Variants in EFTUD2 observed in about 807,000 individuals in gnomAD.
The protein encoded by EFTUD2 is 116 kDa U5 small nuclear ribonucleoprotein component.
EFTUD2 carries 9 observed loss-of-function variants against 114.3 expected under a neutral mutation model. That is an observed-to-expected ratio of 0.08 (90% CI 0.05 to 0.14). The LOEUF (loss-of-function observed/expected upper bound fraction) is 0.14. EFTUD2 is among the 10% of genes least tolerant of loss of function. EFTUD2 has a pLI of 1.00. For synonymous variants in EFTUD2, 449 were observed against 462.3 expected, an observed-to-expected ratio of 0.97 and a Z score of 0.37; for missense variants, 765 against 1,241.2, an observed-to-expected ratio of 0.62 and a Z score of 5.76.
At chr17:44,886,062 C>A (rs1448098118) in intron 3 of EFTUD2, among the ~76,000 whole-genome samples, 1 of 152,094 alleles carries the variant, frequency 6.6e-6, no homozygotes, top group South Asian at 2.1e-4. Context: ...CATGGTGAAA[C>A]CCCGTTTCTA....
In EFTUD2 at chr17:44,867,916, T is replaced by A. The variant is rs2050779964; in HGVS notation, c.1059-19A>T. ...CTTTCGCCTAAAAGGAAAAATAAGT[T>A]CTGAGTGACCCAGGGGAAAAGGCAC... On this transcript the variant is annotated intron_variant, in intron 12 of 27. Transcript: ENST00000426333. 1 of 1,569,086 alleles carries A rather than the reference T, an allele frequency of 6.4e-7. No homozygotes were observed. The highest frequency in any genetic ancestry group is 1.9e-5 in the Admixed American group (1 of 52,624).
At chr17:44,896,675 ATAG>A (rs2051391517) in intron 1 of EFTUD2, among the ~76,000 whole-genome samples, 3 of 152,110 alleles carry the variant, frequency 2.0e-5, no homozygotes. Context: ...AAATAAACAA[ATAG>A]TAGTTACTAA....
At chr17:44,877,701 G>GACC (rs140679347) in intron 9 of EFTUD2, among the ~76,000 whole-genome samples, 14,392 of 152,072 alleles carry the variant, frequency 0.095, 738 homozygotes, top group Middle Eastern at 0.25. Context: ...AGCTGCCTGG[G>GACC]AGGCTGAGGC....
chr17:44,860,645 C>A, intron 16 of EFTUD2, 102 bp from the exon 17 acceptor site: 1 of 728,826 alleles, frequency 1.4e-6, no homozygotes, highest in Admixed American at 2.6e-5. Context: ...TGTTACCAGG[C>A]TGGAGTGCAG....
chr17:44,868,777 A>G (rs1176042656), intron 11 of EFTUD2, among the ~76,000 whole-genome samples: 1 of 152,162 alleles, frequency 6.6e-6, no homozygotes, highest in Non-Finnish European at 1.5e-5. Context: ...AGTGTGGGCC[A>G]CCTTCCAACT....
chr17:44,859,809 G>C, intron 18 of EFTUD2, 96 bp downstream of exon 18: 1 of 1,583,100 alleles, frequency 6.3e-7, no homozygotes, highest in Non-Finnish European at 8.6e-7. Flanking sequence ...GTAAGCAGCA[G>C]ATCATGAACA....
intron 10 of EFTUD2, chr17:44,873,013 C>T (rs2050883064): frequency 6.5e-6 from 1 of 153,592 alleles, no homozygotes. Context: ...ACCCTCACTG[C>T]CATACTCTTT....
rs760366651 is a variant in EFTUD2 at position 44,850,320 on chromosome 17, T to C, written c.*954A>G. ...TGATGCCAAGGGGCATTATTTCTTT[T>C]CTCTCACACAGGTGCTGTGTACACA... is the stretch of plus-strand genomic sequence containing the variant. On this transcript the variant is annotated 3_prime_UTR_variant, in exon 28 of 28. Coordinates refer to ENST00000426333, the MANE Select transcript of EFTUD2 (RefSeq NM_004247.4). 50 of 1,609,146 alleles carry C rather than the reference T, an allele frequency of 3.1e-5. No individual in the cohort carries two copies. The highest frequency in any genetic ancestry group is 4.1e-5 in the Non-Finnish European group (48 of 1,177,190).
intron 11 of EFTUD2, 193 bp from the exon 12 acceptor site, chr17:44,868,543 C>T: frequency 3.6e-6 from 2 of 555,988 alleles, no homozygotes; most frequent in South Asian, 2.5e-5. Flanking sequence ...CCAAAGTTGA[C>T]AAGGCTGTGC....
At chr17:44,857,221 C>T in intron 19 of EFTUD2, 64 bp from the exon 20 acceptor site, 2 of 1,433,682 alleles carry the variant, frequency 1.4e-6, no homozygotes, top group South Asian at 2.3e-5. Flanking sequence ...AACCATTTAC[C>T]TAAGGGAATT....
At chr17:44,881,554 G>A (rs1395235178) in intron 7 of EFTUD2, 133 bp downstream of exon 7, 12 of 934,866 alleles carry the variant, frequency 1.3e-5, no homozygotes, top group Admixed American at 2.0e-5. Flanking sequence ...AAGGAGATGG[G>A]ATGTGAGAAG....
chr17:44,892,602 T>C (rs956674880), intron 2 of EFTUD2, among the ~76,000 whole-genome samples: 4 of 150,348 alleles, frequency 2.7e-5, no homozygotes, highest in African/African-American at 9.8e-5. Context: ...GAATTACCTA[T>C]ATAATTAAAG....
chr17:44,871,791 G>C (rs951248699), intron 11 of EFTUD2, among the ~76,000 whole-genome samples: 2 of 152,266 alleles, frequency 1.3e-5, no homozygotes. Flanking sequence ...CTGTCTGCTC[G>C]ACTCTAAGAA....
At chr17:44,883,545 G>A in intron 5 of EFTUD2, 104 bp downstream of exon 5, 1 of 1,080,108 alleles carries the variant, frequency 9.3e-7, no homozygotes, top group Non-Finnish European at 1.4e-6. Context: ...TCAGGAGGTT[G>A]AGCCTTGTGA....
chr17:44,891,222 A>G (rs1001653788), intron 2 of EFTUD2, among the ~76,000 whole-genome samples: 1 of 152,238 alleles, frequency 6.6e-6, no homozygotes, highest in East Asian at 1.9e-4. Context: ...CATAAATTAC[A>G]AAGAACTGTG....
intron 11 of EFTUD2, 81 bp downstream of exon 11, chr17:44,872,365 G>C: frequency 6.3e-7 from 1 of 1,581,018 alleles, no homozygotes; most frequent in East Asian, 2.3e-5. Flanking sequence ...CTGATACGAA[G>C]CCAATTTCTG....
rs1250231431 is a variant in EFTUD2, at chr17:44,850,809, T to C, written c.*465A>G. The C allele has an allele frequency of 8.6e-6, 2 of 232,866 alleles. No homozygotes were observed. Among genetic ancestry groups the C allele is most frequent in the Non-Finnish European group, 1.7e-5 (2 of 116,648 alleles). The allele number at this position is 232,866 out of a possible 1,614,324, so 14.4% of individuals were successfully genotyped here. On this transcript the variant is annotated 3_prime_UTR_variant, in exon 28 of 28. Transcript: ENST00000426333. ...ACCCAGGCAGGAAGGAGGCTGCAGC[T>C]GGAAGCAGAGGCAGTGAAGCCTCTT...
chr17:44,880,663 GGT>G lies in EFTUD2; in HGVS notation c.529-21_529-20del, dbSNP rs2051057157. The G allele has an allele frequency of 8.7e-6, 14 of 1,604,026 alleles. No homozygotes were observed. Among genetic ancestry groups the G allele is most frequent in the Non-Finnish European group, 1.2e-5 (14 of 1,171,670 alleles). ...CACCTCTCTGAAAGGAACAAAGAGT[GGT>G]CAAGACCTCTTCCTATGCAAGAGGG... is the stretch of plus-strand genomic sequence containing the variant. On this transcript the variant is annotated intron_variant, in intron 7 of 27. Coordinates refer to ENST00000426333, the MANE Select transcript of EFTUD2 (RefSeq NM_004247.4).
At chr17:44,858,945 A>G (rs970239799) in intron 19 of EFTUD2, 135 bp downstream of exon 19, 8 of 672,560 alleles carry the variant, frequency 1.2e-5, no homozygotes, top group Middle Eastern at 5.6e-4. Flanking sequence ...ACCTTCCCAT[A>G]TAAGGAGCAA....
Sources: allele counts gnomAD v4.1 joint callset (sites outside exome capture counted in the v4.1 genomes callset), GRCh38; gene constraint gnomAD v4.1.1; transcripts MANE v1.5; gene names NCBI Gene and HGNC (gene_info 2026-07-23, HGNC 2026-07-21).